RNF38: variants seen among roughly 807,000 people sequenced by gnomAD.
RNF38 encodes the protein E3 ubiquitin-protein ligase RNF38.
A neutral mutation model predicts 67.2 loss-of-function variants in RNF38; 15 were observed. The observed-to-expected ratio is 0.22, with a 90% CI of 0.15 to 0.34. The LOEUF is 0.34. Ranked by LOEUF, RNF38 falls within the 10% of genes least tolerant of loss-of-function variation. The pLI, the probability that RNF38 is intolerant of heterozygous loss-of-function variation, is 1.00. For missense variants in RNF38, 524 were observed against 639.9 expected, an observed-to-expected ratio of 0.82 and a Z score of 1.95; for synonymous variants, 220 against 218.8, an observed-to-expected ratio of 1.01 and a Z score of -0.05.
Position 36,369,946 on chromosome 9 carries a change from CA to C in RNF38, c.357-15del. On this transcript the variant is annotated splice_polypyrimidine_tract_variant and intron_variant, in intron 3 of 11. Transcript: ENST00000259605. ...CTGACAGGAGGACTGTGATAAATATCAAAAAGAAAGTCATTATGCTTATTGT... is the reference window on the plus strand; with the variant it reads ...CTGACAGGAGGACTGTGATAAATATCAAAAGAAAGTCATTATGCTTATTGT... 1.2e-6 allele frequency: 2 copies of C among 1,603,318 alleles called. No individual in the cohort carries two copies. The highest frequency in any genetic ancestry group is 1.7e-6 in the Non-Finnish European group (2 of 1,174,150).
chr9:36,350,265 A>G (rs1244555613), intron 9 of RNF38, among the ~76,000 whole-genome samples: 1 of 152,206 alleles, frequency 6.6e-6, no homozygotes, highest in Admixed American at 6.5e-5. Flanking sequence ...TGCCTTACCT[A>G]TTACAACATC....
intron 3 of RNF38, among the ~76,000 whole-genome samples, chr9:36,373,916 C>G (rs1050147043): frequency 6.6e-6 from 1 of 152,130 alleles, no homozygotes; most frequent in Non-Finnish European, 1.5e-5. Flanking sequence ...GTCTCGAACT[C>G]CTGATCTCAG....
At chr9:36,458,233 G>A (rs111696344) in intron 1 of RNF38, among the ~76,000 whole-genome samples, 4,450 of 152,218 alleles carry the variant, frequency 0.029, 90 homozygotes, top group Non-Finnish European at 0.045. Context: ...ACCAATCAGC[G>A]CTCTGTGTTT....
chr9:36,382,636 A>G (rs1276328949), intron 2 of RNF38, among the ~76,000 whole-genome samples: 1 of 152,250 alleles, frequency 6.6e-6, no homozygotes, highest in African/African-American at 2.4e-5. Context: ...AGTTCTACTC[A>G]GTGACTACAA....
upstream of RNF38, among the ~76,000 whole-genome samples, chr9:36,401,885 T>C (rs1411367602): frequency 1.3e-5 from 2 of 152,176 alleles, no homozygotes; most frequent in African/African-American, 4.8e-5. Context: ...CTAGTTCTTT[T>C]GGCATTACTT....
intron 1 of RNF38, among the ~76,000 whole-genome samples, chr9:36,433,096 T>G (rs1266429237): frequency 6.9e-6 from 1 of 145,696 alleles, no homozygotes; most frequent in Non-Finnish European, 1.5e-5. Flanking sequence ...ACAGTGGAGA[T>G]AAGAGAGAAG....
intron 3 of RNF38, among the ~76,000 whole-genome samples, chr9:36,371,821 C>G (rs1015768636): frequency 2.6e-5 from 4 of 152,060 alleles, no homozygotes; most frequent in African/African-American, 9.7e-5. Context: ...GAACTTATGA[C>G]TCTGTGTTCA....
At chr9:36,439,721 G>A (rs984791250) in intron 1 of RNF38, among the ~76,000 whole-genome samples, 6 of 150,652 alleles carry the variant, frequency 4.0e-5, no homozygotes, top group African/African-American at 1.5e-4. Flanking sequence ...AACCTGGGAG[G>A]TGGAGGTTGT....
chr9:36,444,795 C>G (rs1839265532), intron 1 of RNF38, among the ~76,000 whole-genome samples: 1 of 152,036 alleles, frequency 6.6e-6, no homozygotes, highest in Admixed American at 6.6e-5. Context: ...AGTGAAAACC[C>G]TGTCTCAAAA....
Position 36,390,612 on chromosome 9 carries a change from G to A in RNF38, c.17C>T (p.Ser6Phe). MACKI[S>F]PGANSASLPG... ...TAGAGATGCTGAATTGGCCCCGGGA[G>A]ATATCTGGGAAAAAGAGGAAGAAAA... The change falls in exon 2 of 12, where the codon TCT becomes TTT. Residue 6 changes from serine to phenylalanine, a missense_variant. Ser to Phe is a radical substitution (Grantham distance 155). This residue lies in a region of RNF38 where 461 missense variants were observed against 517.4 expected (regional missense o/e 0.89). Transcript: ENST00000259605. 3 of 1,613,858 alleles carry A rather than the reference G, an allele frequency of 1.9e-6. No individual in the cohort carries two copies. Among genetic ancestry groups the A allele is most frequent in the South Asian group, 2.2e-5 (2 of 91,058 alleles).
intron 1 of RNF38, among the ~76,000 whole-genome samples, chr9:36,481,990 C>A (rs7044752): frequency 0.67 from 101,202 of 151,320 alleles, 33,926 homozygotes; most frequent in Non-Finnish European, 0.69. Flanking sequence ...AGAAGACAAG[C>A]GCAAATGTGG....
At chr9:36,418,195 A>G (rs947764276) in intron 2 of RNF38, among the ~76,000 whole-genome samples, 1 of 151,614 alleles carries the variant, frequency 6.6e-6, no homozygotes. Flanking sequence ...GGCCCAGCTA[A>G]TTTTGTATTT....
chr9:36,370,073 C>CT (rs1835261522), intron 3 of RNF38, 141 bp from the exon 4 acceptor site: 5 of 675,576 alleles, frequency 7.4e-6, no homozygotes, highest in Non-Finnish European at 1.2e-5. Context: ...CCCATCAGCT[C>CT]TAAAAACTTA....
chr9:36,348,136 A>C (rs974280535), intron 9 of RNF38, among the ~76,000 whole-genome samples: 9 of 152,136 alleles, frequency 5.9e-5, no homozygotes, highest in African/African-American at 2.2e-4. Flanking sequence ...GTCAAAGCGG[A>C]GACAGGCCAA....
At chr9:36,424,755 T>C (rs541458931) in intron 1 of RNF38, 1 of 472,358 alleles carries the variant, frequency 2.1e-6, no homozygotes, top group East Asian at 1.5e-4. Context: ...CAATTAAAAG[T>C]GCTTTTACAT....
intron 1 of RNF38, among the ~76,000 whole-genome samples, chr9:36,451,277 A>T (rs1223771310): frequency 6.6e-6 from 1 of 151,916 alleles, no homozygotes; most frequent in Non-Finnish European, 1.5e-5. Context: ...CAGCCTGGCC[A>T]ACATGGTGAA....
intron 4 of RNF38, among the ~76,000 whole-genome samples, chr9:36,360,793 C>T (rs1004166130): frequency 6.6e-6 from 1 of 151,992 alleles, no homozygotes; most frequent in Non-Finnish European, 1.5e-5. Context: ...CAAATACCAC[C>T]CCCCTACCCC....
At chr9:36,448,904 G>C (rs538595783) in intron 1 of RNF38, among the ~76,000 whole-genome samples, 3 of 152,238 alleles carry the variant, frequency 2.0e-5, no homozygotes, top group African/African-American at 7.2e-5. Context: ...TGAGGCAAGG[G>C]AATTGCTTGA....
At chr9:36,359,246 CCTTTA>C (rs1417631379) in intron 4 of RNF38, among the ~76,000 whole-genome samples, 1 of 151,004 alleles carries the variant, frequency 6.6e-6, no homozygotes, top group Non-Finnish European at 1.5e-5. Flanking sequence ...TTGATGAGAT[CCTTTA>C]TTTAATGGCA....
Sources: gnomAD v4.1 joint callset for allele counts (sites outside exome capture counted in the v4.1 genomes callset) on GRCh38, gnomAD v4.1.1 for gene constraint, gnomAD v4.1.1 regional missense constraint, MANE v1.5 for transcripts, NCBI Gene and HGNC (gene_info 2026-07-23, HGNC 2026-07-21) for gene names.